Variants in CD180 observed in about 807,000 individuals in gnomAD.
The protein encoded by CD180 is CD180 antigen.
In CD180, 11 loss-of-function variants were observed where a neutral mutation model predicts 10.7. The observed-to-expected ratio is 1.03, with a 90% CI of 0.65 to 1.70. The LOEUF (loss-of-function observed/expected upper bound fraction) is 1.70, where lower values mean the gene tolerates loss of function less well. CD180 is among the 40% of genes most tolerant of loss of function. The pLI, the probability that CD180 is intolerant of heterozygous loss-of-function variation, is 0.00. For missense variants in CD180, 729 were observed against 775.2 expected, an observed-to-expected ratio of 0.94 and a Z score of 0.71; for synonymous variants, 286 against 294.6, an observed-to-expected ratio of 0.97 and a Z score of 0.30.
Position 67,179,912 on chromosome 5 carries a change from T to A in CD180, c.*2945A>T, listed in dbSNP as rs908253630. On this transcript the variant is annotated 3_prime_UTR_variant, in exon 3 of 3. Transcript: ENST00000256447. ...TGCAGGGTCAGCTCACTGAGCTACA[T>A]CGTGCAATAATAACACATTTTTATA... The A allele has an allele frequency of 6.6e-6, 1 of 152,220 alleles. No homozygotes were observed. Among genetic ancestry groups the A allele is most frequent in the Non-Finnish European group, 1.5e-5 (1 of 68,046 alleles). The allele number at this position is 152,220 out of a possible 1,614,324, so 9.4% of individuals were successfully genotyped here. A position where few individuals can be genotyped will look rare whatever the true frequency, so the allele number is the denominator to read the frequency against.
chr5:67,194,511 A>G (rs970200574), intron 1 of CD180, among the ~76,000 whole-genome samples: 1 of 152,172 alleles, frequency 6.6e-6, no homozygotes, highest in Non-Finnish European at 1.5e-5. Flanking sequence ...TTCCCCAACC[A>G]GTCAACATTT....
intron 1 of CD180, among the ~76,000 whole-genome samples, 165 bp downstream of exon 1, chr5:67,196,387 G>A (rs5744464): frequency 6.6e-6 from 1 of 152,240 alleles, no homozygotes; most frequent in East Asian, 1.9e-4. Context: ...CCCTGGCAGA[G>A]TTCTTTGGCT....
chr5:67,192,654 C>A (rs1742332050), intron 1 of CD180, among the ~76,000 whole-genome samples: 1 of 152,100 alleles, frequency 6.6e-6, no homozygotes, highest in African/African-American at 2.4e-5. Context: ...CAGGAGAACT[C>A]ATTATCACCA....
rs1742135025 is a variant in CD180, at chr5:67,184,292, G to T, written c.551C>A (p.Ala184Asp). The T allele has an allele frequency of 1.2e-6, 2 of 1,614,108 alleles. No homozygotes were observed. The highest frequency in any genetic ancestry group is 8.5e-7 in the Non-Finnish European group (1 of 1,179,972). ...GTCTTCTCTAGAGATGTAGTGTATAGCATTATTCTGAAAATCCAGTACTTT... is the reference window on the plus strand; with the variant it reads ...GTCTTCTCTAGAGATGTAGTGTATATCATTATTCTGAAAATCCAGTACTTT... Reference protein sequence around the residue: ...NLKVLDFQNNAIHYISREDMR... With the variant: ...NLKVLDFQNNDIHYISREDMR... Residue 184 changes from alanine to aspartate, a missense_variant, in exon 3 of 3, where the codon GCT becomes GAT. Ala to Asp is a moderately radical substitution (Grantham distance 126). Coordinates refer to ENST00000256447, the MANE Select transcript of CD180 (RefSeq NM_005582.3).
intron 2 of CD180, 52 bp from the exon 3 acceptor site, chr5:67,184,637 ATACTT>A (rs771987434): frequency 3.5e-6 from 5 of 1,445,986 alleles, no homozygotes; most frequent in East Asian, 2.3e-5. Flanking sequence ...AAGTAAAAAA[ATACTT>A]TACAGTGACA....
intron 2 of CD180, among the ~76,000 whole-genome samples, chr5:67,185,269 C>A (rs368401671): frequency 7.1e-6 from 1 of 141,212 alleles, no homozygotes; most frequent in African/African-American, 2.8e-5. Flanking sequence ...TGCAGGTACA[C>A]GCAGAGCCTG....
At chr5:67,185,113 A>G (rs1377614020) in intron 2 of CD180, among the ~76,000 whole-genome samples, 2 of 140,814 alleles carry the variant, frequency 1.4e-5, no homozygotes, top group Non-Finnish European at 3.0e-5. Context: ...TCATCTAACC[A>G]TAAGTTGGAT....
At chr5:67,185,269 C>G (rs368401671) in intron 2 of CD180, among the ~76,000 whole-genome samples, 1 of 141,124 alleles carries the variant, frequency 7.1e-6, no homozygotes, top group African/African-American at 2.8e-5. Flanking sequence ...TGCAGGTACA[C>G]GCAGAGCCTG....
chr5:67,193,942 A>T (rs559730715), intron 1 of CD180, among the ~76,000 whole-genome samples: 2 of 152,170 alleles, frequency 1.3e-5, no homozygotes, highest in Non-Finnish European at 2.9e-5. Context: ...GGAGGTGATA[A>T]CCTATGTTCC....
intron 1 of CD180, among the ~76,000 whole-genome samples, chr5:67,194,547 A>G (rs1383264976): frequency 1.3e-5 from 2 of 152,200 alleles, no homozygotes; most frequent in Non-Finnish European, 2.9e-5. Flanking sequence ...CCTGCCCACC[A>G]AACTATCCTT....
chr5:67,183,030 T>C lies in CD180; in HGVS notation c.1813A>G (p.Thr605Ala), dbSNP rs751163709. Residue 605 changes from threonine to alanine, a missense_variant, in exon 3 of 3, where the codon ACC (threonine) becomes GCC (alanine). Coordinates refer to ENST00000256447, the MANE Select transcript of CD180 (RefSeq NM_005582.3). ...AGAGATGGCGGGTTTGCACACGTGG[T>C]CTCCTCCGAGCCTTCAAGTTTGTGC... is the stretch of plus-strand genomic sequence containing the variant. ...NLHKLEGSEE[T>A]TCANPPSLRG... is the part of the protein sequence containing the mutation. The C allele has an allele frequency of 2.5e-6, 4 of 1,613,832 alleles. No individual in the cohort carries two copies. Among genetic ancestry groups the C allele is most frequent in the Non-Finnish European group, 8.5e-7 (1 of 1,179,964 alleles).
At chr5:67,188,632 G>A (rs1742246670) in intron 1 of CD180, among the ~76,000 whole-genome samples, 1 of 152,206 alleles carries the variant, frequency 6.6e-6, no homozygotes, top group Non-Finnish European at 1.5e-5. Context: ...GTGAGAAACA[G>A]AACTGCACAC....
intron 1 of CD180, among the ~76,000 whole-genome samples, chr5:67,187,926 T>C (rs759776355): frequency 2.0e-5 from 3 of 152,006 alleles, no homozygotes; most frequent in Non-Finnish European, 4.4e-5. Context: ...GCAAGTAAGT[T>C]ATTGGGTGGC....
At chr5:67,187,016 CA>C (rs1400671218) in intron 1 of CD180, among the ~76,000 whole-genome samples, 1 of 151,962 alleles carries the variant, frequency 6.6e-6, no homozygotes, top group Non-Finnish European at 1.5e-5. Flanking sequence ...TAAAGCAGTT[CA>C]AAAAGGCATT....
Position 67,196,671 on chromosome 5 carries a change from C to T in CD180, c.-30G>A. ...GGCTAGGATTGCTTGGTGGGTTTAC[C>T]TAATGCTTGGAGCTGAGAAATGGAA... is the stretch of plus-strand genomic sequence containing the variant. On this transcript the variant is annotated 5_prime_UTR_variant, in exon 1 of 3. Transcript: ENST00000256447. 1.2e-6 allele frequency: 2 copies of T among 1,613,648 alleles called. No individual in the cohort carries two copies. Among genetic ancestry groups the T allele is most frequent in the Non-Finnish European group, 1.7e-6 (2 of 1,179,780 alleles).
intron 1 of CD180, among the ~76,000 whole-genome samples, chr5:67,186,992 G>C (rs529329805): frequency 3.3e-5 from 5 of 152,202 alleles, no homozygotes; most frequent in Non-Finnish European, 5.9e-5. Context: ...ACCTCATTTA[G>C]ATCCTGATCC....
chr5:67,183,117 G>A lies in CD180; in HGVS notation c.1726C>T (p.His576Tyr). Residue 576 changes from histidine to tyrosine, a missense_variant, in exon 3 of 3, where the codon CAT (histidine) becomes TAT (tyrosine). His to Tyr is a moderately conservative substitution (Grantham distance 83). Coordinates refer to ENST00000256447, the MANE Select transcript of CD180 (RefSeq NM_005582.3). The stretch of plus-strand genomic sequence containing the variant: ...GAGCAAGTGCAGTCCAGGGGGTTAT[G>A]ACTTAAATTAATGGTGCTCTGCTGG... ...LSQQSTINLSHNPLDCTCSNI... is the reference protein window; with the variant it reads ...LSQQSTINLSYNPLDCTCSNI... 6.2e-7 allele frequency: 1 copy of A among 1,610,498 alleles called. No individual in the cohort carries two copies. The highest frequency in any genetic ancestry group is 8.5e-7 in the Non-Finnish European group (1 of 1,177,564).
intron 1 of CD180, chr5:67,190,941 G>A (rs181613404): frequency 2.3e-5 from 23 of 985,080 alleles, no homozygotes; most frequent in East Asian, 1.1e-4. Flanking sequence ...TCACCTTTTC[G>A]GATTTCTCAT....
chr5:67,188,106 G>T (rs1463624168), intron 1 of CD180, among the ~76,000 whole-genome samples: 7 of 151,832 alleles, frequency 4.6e-5, no homozygotes, highest in African/African-American at 7.3e-5. Flanking sequence ...GGACTCAGAG[G>T]TTGCAGTGAG....
Sources: gnomAD v4.1 joint callset for allele counts (sites outside exome capture counted in the v4.1 genomes callset) on GRCh38, gnomAD v4.1.1 for gene constraint, MANE v1.5 for transcripts, NCBI Gene and HGNC (gene_info 2026-07-23, HGNC 2026-07-21) for gene names.